Variants in FAM161B observed in about 807,000 individuals in gnomAD.
FAM161B encodes protein FAM161B.
A neutral mutation model predicts 61.5 loss-of-function variants in FAM161B; 46 were observed. The ratio of observed to expected loss-of-function variants is 0.75; its 90% CI spans 0.59 to 0.96. The LOEUF is 0.96. Ranked by LOEUF, FAM161B falls within the 40% of genes least tolerant of loss-of-function variation. FAM161B has a pLI of 0.00. For synonymous variants in FAM161B, 284 were observed against 302.7 expected (o/e 0.94, Z 0.64); for missense variants, 774 against 800.7 (o/e 0.97, Z 0.40).
At chr14:73,941,116 T>TC (rs2056014829) in intron 4 of FAM161B, 63 bp from the exon 5 acceptor site, 1 of 1,476,272 alleles carries the variant, frequency 6.8e-7, no homozygotes, top group East Asian at 2.5e-5. Context: ...ATCTTTTTTT[T>TC]TTTTTTTTTT....
At chr14:73,934,422 CAAAA>C (rs747056126) in intron 8 of FAM161B, 28 bp from the exon 9 acceptor site, 6 of 1,582,598 alleles carry the variant, frequency 3.8e-6, no homozygotes, top group Non-Finnish European at 5.1e-6. Context: ...ACATGAAAAA[CAAAA>C]AAAATTTTTT....
intron 4 of FAM161B, among the ~76,000 whole-genome samples, chr14:73,941,897 G>C (rs2056022449): frequency 6.6e-6 from 1 of 152,140 alleles, no homozygotes; most frequent in African/African-American, 2.4e-5. Context: ...GTAGAGATGG[G>C]GTTTTGCCAT....
chr14:73,928,492 G>T (rs1195089125), downstream of FAM161B, among the ~76,000 whole-genome samples: 2 of 152,172 alleles, frequency 1.3e-5, no homozygotes, highest in East Asian at 3.8e-4. Context: ...TTGAAGTAGG[G>T]TATGACGTGA....
At chr14:73,945,425 TTTTA>T in intron 2 of FAM161B, among the ~76,000 whole-genome samples, 1 of 152,068 alleles carries the variant, frequency 6.6e-6, no homozygotes, top group Non-Finnish European at 1.5e-5. Flanking sequence ...CTGTATTTTT[TTTTA>T]TTTTTTATTA....
At position 73,937,520 on chromosome 14, in the gene FAM161B, C is replaced by A. The variant is rs532849509; in HGVS notation, c.1665+82G>T. The A allele has an allele frequency of 1.1e-5, 14 of 1,320,844 alleles. No individual in the cohort carries two copies. The Admixed American group carries it at 1.7e-4, about 16-fold the overall frequency. 81.8% of individuals were successfully genotyped at this position (1,320,844 alleles called of 1,614,324 possible). A position where few individuals can be genotyped will look rare whatever the true frequency, so the allele number is the denominator to read the frequency against. Reference sequence around the variant, plus strand: ...CTGGGCCTCAAGGAAAATTTTAATACCCACATATTAAAATTGTTTTGTAAT... The same window carrying A: ...CTGGGCCTCAAGGAAAATTTTAATAACCACATATTAAAATTGTTTTGTAAT... On this transcript the variant is annotated intron_variant, in intron 7 of 8. Transcript: ENST00000286544.
the FAM161B span, chr14:73,923,278 A>G: frequency 8.6e-7 from 1 of 1,163,654 alleles, no homozygotes; most frequent in South Asian, 2.0e-5. Flanking sequence ...GAAGAAATAG[A>G]GGAATGTGGG....
chr14:73,928,825 G>T (rs1462291455), downstream of FAM161B, among the ~76,000 whole-genome samples: 2 of 152,112 alleles, frequency 1.3e-5, no homozygotes, highest in African/African-American at 2.4e-5. Flanking sequence ...GTGCATACCT[G>T]TAGTCCCAGC....
the FAM161B span, among the ~76,000 whole-genome samples, chr14:73,924,378 GC>G: frequency 6.6e-6 from 1 of 152,138 alleles, no homozygotes; most frequent in African/African-American, 2.4e-5. Flanking sequence ...TCCTAACAGG[GC>G]ACGGACCAGT....
the FAM161B span, chr14:73,924,673 CTT>C: frequency 2.3e-6 from 1 of 442,620 alleles, no homozygotes; most frequent in Non-Finnish European, 4.5e-6. Context: ...CTTTTCTCCT[CTT>C]TTCTTTTCTT....
rs1306915677 is a variant in FAM161B, at chr14:73,944,279, A to G, written c.925+56T>C. ...ATCCCTGGGCCCTGACTAAATCCCT[A>G]TGGTGGGATTGGTTCCCCGAGGCAG... On this transcript the variant is annotated intron_variant, in intron 3 of 8. Transcript: ENST00000286544. 14 of 1,529,874 alleles carry G rather than the reference A, an allele frequency of 9.2e-6. 1 individual carries two copies. The highest frequency in any genetic ancestry group is 7.7e-5 in the South Asian group (6 of 77,532). The allele number at this position is 1,529,874 out of a possible 1,614,324, so 94.8% of individuals were successfully genotyped here. A position where few individuals can be genotyped will look rare whatever the true frequency, so the allele number is the denominator to read the frequency against.
At chr14:73,940,118 C>T (rs1445027193) in intron 5 of FAM161B, among the ~76,000 whole-genome samples, 2 of 152,216 alleles carry the variant, frequency 1.3e-5, no homozygotes, top group East Asian at 1.9e-4. Context: ...CATGGGAAGG[C>T]AGTAAGACAT....
intron 1 of FAM161B, among the ~76,000 whole-genome samples, chr14:73,946,908 T>C (rs1006732348): frequency 6.6e-6 from 1 of 152,124 alleles, no homozygotes; most frequent in African/African-American, 2.4e-5. Context: ...CAGTAAGCTT[T>C]TACAGAGTAC....
chr14:73,927,953 T>C (rs755134156), downstream of FAM161B: 6 of 171,446 alleles, frequency 3.5e-5, no homozygotes, highest in African/African-American at 7.2e-5. Flanking sequence ...TTCTCATGTC[T>C]CAGACTCCTG....
chr14:73,927,971 G>A (rs55748911), downstream of FAM161B: 56,632 of 169,712 alleles, frequency 0.33, 10,704 homozygotes, highest in Non-Finnish European at 0.42. Flanking sequence ...CTGAGTAGCT[G>A]GGATTACAGG....
At chr14:73,934,902 C>T (rs1007796099) in intron 8 of FAM161B, among the ~76,000 whole-genome samples, 1 of 151,338 alleles carries the variant, frequency 6.6e-6, no homozygotes, top group Non-Finnish European at 1.5e-5. Context: ...CAAAAAATAG[C>T]TGGGCGTGGT....
At chr14:73,932,151 G>T, downstream of FAM161B, 1 of 371,564 alleles carries the variant, frequency 2.7e-6, no homozygotes, top group Admixed American at 3.7e-5. Context: ...TGGTCACTTT[G>T]CTTTCTTCGT....
downstream of FAM161B, among the ~76,000 whole-genome samples, chr14:73,929,580 G>A (rs72627135): frequency 0.076 from 11,579 of 151,986 alleles, 892 homozygotes; most frequent in East Asian, 0.44. Context: ...GGCTGGGTGC[G>A]GTGGCTAGCA....
intron 5 of FAM161B, among the ~76,000 whole-genome samples, chr14:73,939,298 C>T (rs1048073751): frequency 2.0e-5 from 3 of 151,528 alleles, no homozygotes; most frequent in African/African-American, 4.9e-5. Flanking sequence ...GACTCTGTCT[C>T]GAAAAAAAAT....
At position 73,937,786 on chromosome 14, in the gene FAM161B, G is replaced by A. The variant is rs952582618; in HGVS notation, c.1566-85C>T. ...TTTCCAGTAAAGCAGTGTAACTCTC[G>A]TGTACACTGTAAATTCCTATCTGAC... On this transcript the variant is annotated intron_variant, in intron 6 of 8. Coordinates refer to ENST00000286544, the MANE Select transcript of FAM161B (RefSeq NM_152445.3). 33 of 1,528,242 alleles carry A rather than the reference G, an allele frequency of 2.2e-5. No individual in the cohort carries two copies. In the East Asian group the frequency reaches 3.4e-4, roughly 16 times the overall value. The allele number at this position is 1,528,242 out of a possible 1,614,324, so 94.7% of individuals were successfully genotyped here. A position where few individuals can be genotyped will look rare whatever the true frequency, so the allele number is the denominator to read the frequency against.
Sources: gnomAD v4.1 joint callset for allele counts (sites outside exome capture counted in the v4.1 genomes callset) on GRCh38, gnomAD v4.1.1 for gene constraint, MANE v1.5 for transcripts, NCBI Gene and HGNC (gene_info 2026-07-23, HGNC 2026-07-21) for gene names.